Variants in CLCN4 observed in about 807,000 individuals in gnomAD.
CLCN4 encodes the protein H(+)/Cl(-) exchange transporter 4.
In CLCN4, 1 loss-of-function variant was observed where a neutral mutation model predicts 41.7. The observed-to-expected ratio is 0.02, with a 90% CI of 0.01 to 0.11. The LOEUF (loss-of-function observed/expected upper bound fraction) is 0.11. Among genes scored for constraint, CLCN4 ranks in the 10% least tolerant of loss-of-function variants. The pLI, the probability that CLCN4 is intolerant of heterozygous loss-of-function variation, is 1.00. For synonymous variants in CLCN4, 277 were observed against 285.8 expected (o/e 0.97, Z 0.31); for missense variants, 287 against 661.0 (o/e 0.43, Z 6.20).
chrX:10,173,550 T>C (rs966279264), intron 2 of CLCN4, among the ~76,000 whole-genome samples: 1 of 111,300 alleles, frequency 9.0e-6, no homozygotes, highest in African/African-American at 3.3e-5. Flanking sequence ...CGTGACTGCT[T>C]AATCTCCTCC....
At chrX:10,224,107 C>T (rs963530107) in intron 12 of CLCN4, among the ~76,000 whole-genome samples, 8 of 111,266 alleles carry the variant, frequency 7.2e-5, no homozygotes, top group Non-Finnish European at 1.3e-4. Context: ...AATTTATGCA[C>T]GAACCCAAGG....
intron 2 of CLCN4, among the ~76,000 whole-genome samples, chrX:10,174,472 A>G (rs769089313): frequency 2.0e-4 from 23 of 112,668 alleles, no homozygotes; most frequent in Non-Finnish European, 3.9e-4. Flanking sequence ...CATTTAGCAA[A>G]TATCTGTTAT....
Position 10,214,901 on chromosome X carries a change from C to T in CLCN4, c.1975+822C>T, listed in dbSNP as rs939351463. Among the ~76,000 whole-genome samples the T allele has an allele frequency of 4.5e-5, 5 of 111,371 alleles. No homozygotes were observed. In the Admixed American group the frequency reaches 4.8e-4, roughly 11 times the overall value. On this transcript the variant is annotated intron_variant, in intron 11 of 12. Transcript: ENST00000380833. ...GGGGCCTAGGGCTGCGGGCTGAGGGCCAGAGGTCTGGTTGTGAGTTGCTGG... is the reference window on the plus strand; with the variant it reads ...GGGGCCTAGGGCTGCGGGCTGAGGGTCAGAGGTCTGGTTGTGAGTTGCTGG...
chrX:10,221,305 C>T (rs1429451645), intron 12 of CLCN4, among the ~76,000 whole-genome samples: 1 of 111,430 alleles, frequency 9.0e-6, no homozygotes, highest in Non-Finnish European at 1.9e-5. Context: ...GTTAGGTACA[C>T]AACAGTCAAA....
At chrX:10,180,200 G>A (rs1190269394) in intron 2 of CLCN4, among the ~76,000 whole-genome samples, 1 of 111,503 alleles carries the variant, frequency 9.0e-6, no homozygotes, top group African/African-American at 3.3e-5. Context: ...TTGTAAGTTG[G>A]GTGGTTGGTT....
chrX:10,158,063 G>A (rs11796622), intron 1 of CLCN4, among the ~76,000 whole-genome samples: 28,796 of 111,851 alleles, frequency 0.26, 2,948 homozygotes, highest in African/African-American at 0.38. Flanking sequence ...GAAACTCTAG[G>A]CAAAGTATGT....
chrX:10,157,233 C>T (rs6639002), intron 1 of CLCN4, 133 bp downstream of exon 1: 65,854 of 274,579 alleles, frequency 0.24, 8,887 homozygotes, highest in East Asian at 0.84. Context: ...TGTATTTATC[C>T]CCAAATTAGA....
chrX:10,191,387 A>G (rs547727312), intron 4 of CLCN4, among the ~76,000 whole-genome samples: 33 of 112,573 alleles, frequency 2.9e-4, no homozygotes, highest in African/African-American at 1.0e-3. Context: ...TTCACTACCA[A>G]GTACAATTCC....
chrX:10,163,209 G>T (rs1289777139), intron 2 of CLCN4, among the ~76,000 whole-genome samples: 1 of 112,437 alleles, frequency 8.9e-6, no homozygotes, highest in Non-Finnish European at 1.9e-5. Context: ...GACCAAAGGG[G>T]TTTAGTGTGA....
chrX:10,175,866 C>A (rs1354635300), intron 2 of CLCN4, among the ~76,000 whole-genome samples: 2 of 109,009 alleles, frequency 1.8e-5, no homozygotes, highest in Non-Finnish European at 3.8e-5. Flanking sequence ...CTCTCTCTCT[C>A]TCTCTCCCAC....
At chrX:10,205,604 T>A (rs1390096110) in intron 6 of CLCN4, among the ~76,000 whole-genome samples, 1 of 102,580 alleles carries the variant, frequency 9.7e-6, no homozygotes, top group Non-Finnish European at 2.0e-5. Context: ...GGGTGGCATA[T>A]TCCTTTTTTT....
chrX:10,209,118 C>G (rs1924470608), intron 9 of CLCN4, among the ~76,000 whole-genome samples: 1 of 111,492 alleles, frequency 9.0e-6, no homozygotes, highest in Non-Finnish European at 1.9e-5. Flanking sequence ...ACCTGGAGTT[C>G]TGACATTGTG....
At chrX:10,188,782 G>C (rs1923879920) in intron 4 of CLCN4, among the ~76,000 whole-genome samples, 1 of 112,379 alleles carries the variant, frequency 8.9e-6, no homozygotes, top group Non-Finnish European at 1.9e-5. Flanking sequence ...GGCACAGATA[G>C]AGTTTTGTGA....
chrX:10,218,264 C>G (rs961680108), intron 11 of CLCN4, among the ~76,000 whole-genome samples: 1 of 112,431 alleles, frequency 8.9e-6, no homozygotes, highest in South Asian at 3.7e-4. Context: ...CACCTACATT[C>G]TTATCACCAA....
At chrX:10,157,303 G>T (rs920551089) in intron 1 of CLCN4, among the ~76,000 whole-genome samples, 1 of 111,954 alleles carries the variant, frequency 8.9e-6, no homozygotes, top group East Asian at 2.8e-4. Context: ...TAAGGGCCAG[G>T]GTTAAATATA....
intron 2 of CLCN4, among the ~76,000 whole-genome samples, chrX:10,168,444 A>G (rs1271250014): frequency 3.1e-4 from 35 of 112,071 alleles, no homozygotes; most frequent in Admixed American, 1.6e-3. Flanking sequence ...TCTGACCTCA[A>G]TTATTTCAGT....
intron 11 of CLCN4, among the ~76,000 whole-genome samples, chrX:10,214,734 G>C (rs989638066): frequency 3.6e-5 from 4 of 112,476 alleles, no homozygotes; most frequent in African/African-American, 1.3e-4. Flanking sequence ...CTGTTGAGTT[G>C]GGGGAGGGGA....
chrX:10,193,082 A>G (rs1279795051), intron 4 of CLCN4, among the ~76,000 whole-genome samples: 1 of 112,134 alleles, frequency 8.9e-6, no homozygotes, highest in Non-Finnish European at 1.9e-5. Flanking sequence ...TTCTTTGACA[A>G]TGCCCATTCA....
intron 2 of CLCN4, among the ~76,000 whole-genome samples, chrX:10,174,965 A>G (rs2239941): frequency 0.16 from 18,161 of 111,831 alleles, 1,839 homozygotes; most frequent in East Asian, 0.83. Flanking sequence ...GTTTTTGAAC[A>G]TGATGTAAAC....
Sources: allele counts gnomAD v4.1 joint callset (sites outside exome capture counted in the v4.1 genomes callset), GRCh38; gene constraint gnomAD v4.1.1; transcripts MANE v1.5; gene names NCBI Gene and HGNC (gene_info 2026-07-23, HGNC 2026-07-21).